CDK17: variants seen among roughly 807,000 people sequenced by gnomAD.
CDK17 encodes the protein cyclin-dependent kinase 17.
Under a neutral mutation model 77.6 loss-of-function variants are expected in CDK17, and 24 were observed. That is an observed-to-expected ratio of 0.31 (90% confidence interval 0.22 to 0.44). CDK17 has a LOEUF of 0.44. Ranked by LOEUF, CDK17 falls within the 20% of genes least tolerant of loss-of-function variation. The pLI is 1.00. For missense variants in CDK17, 429 were observed against 622.5 expected (o/e 0.69, Z 3.31); for synonymous variants, 203 against 210.4 (o/e 0.96, Z 0.30).
chr12:96,288,679 G>A (rs189665091), intron 11 of CDK17, among the ~76,000 whole-genome samples: 11 of 152,206 alleles, frequency 7.2e-5, no homozygotes, highest in Non-Finnish European at 1.5e-4. Context: ...TGTCTGAGTA[G>A]AAGAGTGTCA....
At chr12:96,316,011 A>G (rs1952709977) in intron 3 of CDK17, among the ~76,000 whole-genome samples, 1 of 152,188 alleles carries the variant, frequency 6.6e-6, no homozygotes, top group Non-Finnish European at 1.5e-5. Flanking sequence ...GCGACGCAGA[A>G]GACGGGTGAT....
chr12:96,289,215 G>A lies in CDK17; in HGVS notation c.1070C>T (p.Pro357Leu), dbSNP rs1188180352. The A allele has an allele frequency of 6.2e-7, 1 of 1,613,980 alleles. No homozygotes were observed. The highest frequency in any genetic ancestry group is 8.5e-7 in the Non-Finnish European group (1 of 1,179,880). The change falls in exon 11 of 17, where the codon CCT becomes CTT. Residue 357 changes from proline to leucine, a missense_variant. By Grantham distance (98) the Pro-to-Leu change is moderately conservative (BLOSUM62 -3). This residue lies in a region of CDK17 where 51 missense variants were observed against 96.5 expected (regional missense o/e 0.53). Coordinates refer to ENST00000261211, the MANE Select transcript of CDK17 (RefSeq NM_002595.5). Reference protein sequence around the residue: ...NEVVTLWYRPPDVLLGSSEYS... With the variant: ...NEVVTLWYRPLDVLLGSSEYS... ...CTCCGAGGAACCAAGAAGCACATCAGGTGGCCGGTACCATAGTGTGACAAC... is the reference window on the plus strand; with the variant it reads ...CTCCGAGGAACCAAGAAGCACATCAAGTGGCCGGTACCATAGTGTGACAAC...
chr12:96,334,723 A>T lies in CDK17; in HGVS notation c.114T>A (p.Asp38Glu). ...CCCCCTATGCCAAATATTTACCATT[A>T]TCCTTGCTGCTGTTTTCTTCAATAG... ...QMTIEENSSK[D>E]NEPIVKNGRP... Residue 38 changes from aspartate to glutamate, a missense_variant, in exon 2 of 17, where the codon GAT (aspartate) becomes GAA (glutamate). Coordinates refer to ENST00000261211, the MANE Select transcript of CDK17 (RefSeq NM_002595.5). The T allele has an allele frequency of 1.3e-6, 2 of 1,550,648 alleles. No individual in the cohort carries two copies. Among genetic ancestry groups the T allele is most frequent in the Middle Eastern group, 1.7e-4 (1 of 5,918 alleles).
Position 96,289,376 on chromosome 12 carries a change from T to C in CDK17, c.998-89A>G, listed in dbSNP as rs898559309. ...CTCACCATGACTCCATTCAAAGGGA[T>C]GCCTGAAATGGTTAATTCGTAGCTT... On this transcript the variant is annotated intron_variant, in intron 10 of 16. Coordinates refer to ENST00000261211, the MANE Select transcript of CDK17 (RefSeq NM_002595.5). 2.8e-6 allele frequency: 4 copies of C among 1,421,352 alleles called. No individual in the cohort carries two copies. In the African/African-American group the frequency reaches 5.7e-5, roughly 20 times the overall value. The allele number at this position is 1,421,352 out of a possible 1,614,324, so 88.0% of individuals were successfully genotyped here.
intron 1 of CDK17, among the ~76,000 whole-genome samples, chr12:96,390,284 A>T (rs896004965): frequency 6.7e-6 from 1 of 149,780 alleles, no homozygotes; most frequent in Non-Finnish European, 1.5e-5. Flanking sequence ...ACGTGCCAAC[A>T]CGCCCGGCTA....
chr12:96,308,252 A>AAAAAAAAAAAAAAAAAAAG (rs750453479), intron 5 of CDK17, among the ~76,000 whole-genome samples: 1 of 143,494 alleles, frequency 7.0e-6, no homozygotes, highest in Non-Finnish European at 1.5e-5. Flanking sequence ...AAAAAAAAAA[A>AAAAAAAAAAAAAAAAAAAG]GTTTTTTAAT....
chr12:96,367,214 G>A (rs1156745494), intron 1 of CDK17, among the ~76,000 whole-genome samples: 1 of 151,520 alleles, frequency 6.6e-6, no homozygotes, highest in African/African-American at 2.4e-5. Flanking sequence ...GTGTGGTGGC[G>A]CGTGCCTGTA....
At chr12:96,308,806 GTCA>G (rs1050913301) in intron 5 of CDK17, among the ~76,000 whole-genome samples, 1 of 150,776 alleles carries the variant, frequency 6.6e-6, no homozygotes, top group African/African-American at 2.4e-5. Flanking sequence ...CAATCCAAGA[GTCA>G]TCATCAATTT....
At chr12:96,280,960 TTTA>T (rs1442461827) in intron 15 of CDK17, 75 bp from the exon 16 acceptor site, 8 of 1,219,680 alleles carry the variant, frequency 6.6e-6, no homozygotes, top group Admixed American at 2.1e-5. Flanking sequence ...TCAACAAATG[TTTA>T]TAAAGCATAT....
intron 1 of CDK17, among the ~76,000 whole-genome samples, chr12:96,349,606 G>A (rs1953281301): frequency 2.2e-5 from 3 of 135,114 alleles, no homozygotes; most frequent in Admixed American, 1.4e-4. Context: ...ATAAACAAAA[G>A]AGAAAGGAAT....
At chr12:96,334,951 T>C in intron 1 of CDK17, 86 bp from the exon 2 acceptor site, 1 of 694,964 alleles carries the variant, frequency 1.4e-6, no homozygotes, top group Non-Finnish European at 2.6e-6. Context: ...TGGAAATCTT[T>C]AAAATAGGAA....
At chr12:96,304,620 C>T (rs1952553391) in intron 5 of CDK17, among the ~76,000 whole-genome samples, 1 of 152,172 alleles carries the variant, frequency 6.6e-6, no homozygotes, top group South Asian at 2.1e-4. Context: ...TACCGAGTTA[C>T]TGTTAACGAA....
intron 1 of CDK17, among the ~76,000 whole-genome samples, chr12:96,376,150 A>C (rs924587725): frequency 6.6e-6 from 1 of 152,228 alleles, no homozygotes; most frequent in Non-Finnish European, 1.5e-5. Context: ...CAGGCAGATA[A>C]GAGCTACAAA....
At position 96,298,987 on chromosome 12, in the gene CDK17, T is replaced by C; in HGVS notation, c.601-4A>G. 7.2e-7 allele frequency: 1 copy of C among 1,380,664 alleles called. No individual in the cohort carries two copies. 85.5% of individuals were successfully genotyped at this position (1,380,664 alleles called of 1,614,324 possible). On this transcript the variant is annotated splice_polypyrimidine_tract_variant and splice_region_variant and intron_variant, in intron 6 of 16. Coordinates refer to ENST00000261211, the MANE Select transcript of CDK17 (RefSeq NM_002595.5). The stretch of plus-strand genomic sequence containing the variant: ...TATATACTGTTGCATATGTACCCTA[T>C]AAAATATATTTTTAAAGGACGCATC...
chr12:96,384,630 C>G (rs1372636579), intron 1 of CDK17, among the ~76,000 whole-genome samples: 4 of 152,146 alleles, frequency 2.6e-5, no homozygotes, highest in African/African-American at 7.2e-5. Context: ...AGCTGGAGAC[C>G]ATTATCCTCA....
At chr12:96,352,483 A>G (rs1329896860) in intron 1 of CDK17, among the ~76,000 whole-genome samples, 1 of 152,156 alleles carries the variant, frequency 6.6e-6, no homozygotes, top group Non-Finnish European at 1.5e-5. Flanking sequence ...AAACTGGGCT[A>G]TAAAGGCTGG....
intron 1 of CDK17, among the ~76,000 whole-genome samples, chr12:96,367,669 G>A (rs762574416): frequency 6.6e-6 from 1 of 152,016 alleles, no homozygotes; most frequent in Non-Finnish European, 1.5e-5. Flanking sequence ...CCTGGCATGT[G>A]AGTCACAGCA....
intron 3 of CDK17, among the ~76,000 whole-genome samples, chr12:96,316,655 C>A (rs1412157565): frequency 2.3e-5 from 3 of 130,340 alleles, no homozygotes; most frequent in Non-Finnish European, 4.9e-5. Flanking sequence ...ACCCCCTGAC[C>A]CCCGAGCAGC....
chr12:96,345,325 T>C lies in CDK17; in HGVS notation c.-29-10460A>G, dbSNP rs370420125. Among the ~76,000 whole-genome samples, 26 of 152,360 alleles carry C rather than the reference T, an allele frequency of 1.7e-4. No homozygotes were observed. In the East Asian group the frequency reaches 3.1e-3, roughly 18 times the overall value. The stretch of plus-strand genomic sequence containing the variant: ...TATCTTTGTAACAGAATGATTTATA[T>C]TCCTTTGGGTATATACCCAGTAATG... On this transcript the variant is annotated intron_variant, in intron 1 of 16. Transcript: ENST00000261211.
Sources: gnomAD v4.1 joint callset for allele counts (sites outside exome capture counted in the v4.1 genomes callset) on GRCh38, gnomAD v4.1.1 for gene constraint, gnomAD v4.1.1 regional missense constraint, MANE v1.5 for transcripts, NCBI Gene and HGNC (gene_info 2026-07-23, HGNC 2026-07-21) for gene names.